HSD17B12: variants seen among roughly 807,000 people sequenced by gnomAD.
The protein encoded by HSD17B12 is very-long-chain 3-oxoacyl-CoA reductase.
In HSD17B12, 32 loss-of-function variants were observed where a neutral mutation model predicts 39.3. That is an observed-to-expected ratio of 0.81 (90% CI 0.61 to 1.09). HSD17B12 has a LOEUF of 1.09. Among genes scored for constraint, HSD17B12 ranks in the 50% least tolerant of loss-of-function variants. The probability of loss-of-function intolerance (pLI) is 0.00; values close to 1 mark genes in which losing one functional copy is unlikely to be tolerated. For missense variants in HSD17B12, 342 were observed against 382.9 expected, an observed-to-expected ratio of 0.89 and a Z score of 0.89; for synonymous variants, 150 against 146.7, an observed-to-expected ratio of 1.02 and a Z score of -0.16.
the HSD17B12 span, among the ~76,000 whole-genome samples, chr11:43,659,245 C>T: frequency 6.6e-5 from 10 of 152,216 alleles, no homozygotes; most frequent in Non-Finnish European, 1.3e-4. Flanking sequence ...ATCGGAAGAG[C>T]GCAGTATTAG....
the HSD17B12 span, among the ~76,000 whole-genome samples, chr11:43,647,195 G>T: frequency 3.3e-5 from 5 of 151,754 alleles, no homozygotes; most frequent in Non-Finnish European, 2.9e-5. Context: ...GGAACAGAGT[G>T]TATCTGTTTG....
chr11:43,563,660 T>A, the HSD17B12 span, among the ~76,000 whole-genome samples: 1 of 152,084 alleles, frequency 6.6e-6, no homozygotes, highest in African/African-American at 2.4e-5. Context: ...ACTAAATTTT[T>A]TTTTCTAATT....
At chr11:43,823,215 C>T (rs1324653657) in intron 6 of HSD17B12, among the ~76,000 whole-genome samples, 1 of 151,934 alleles carries the variant, frequency 6.6e-6, no homozygotes, top group Non-Finnish European at 1.5e-5. Context: ...GCGCCCACTG[C>T]ATGTCTTCCC....
chr11:43,836,899 A>C (rs1252118241), intron 7 of HSD17B12, among the ~76,000 whole-genome samples: 1 of 152,238 alleles, frequency 6.6e-6, no homozygotes. Flanking sequence ...AAAAAATACC[A>C]GAATGATATA....
chr11:43,735,942 C>G (rs1021751440), intron 1 of HSD17B12, among the ~76,000 whole-genome samples: 31 of 152,142 alleles, frequency 2.0e-4, no homozygotes, highest in Non-Finnish European at 4.0e-4. Context: ...CTCACTGTCA[C>G]GAGAACAGCA....
intron 4 of HSD17B12, among the ~76,000 whole-genome samples, chr11:43,810,398 T>TATATATATATATATATAC: frequency 1.1e-5 from 1 of 87,922 alleles, no homozygotes; most frequent in East Asian, 3.0e-4. Flanking sequence ...TATATATATA[T>TATATATATATATATATAC]ATATAAAATT....
chr11:43,592,872 C>T, the HSD17B12 span, among the ~76,000 whole-genome samples: 2 of 152,098 alleles, frequency 1.3e-5, no homozygotes, highest in East Asian at 1.9e-4. Flanking sequence ...ATCTCACACA[C>T]TCTTAGAGGC....
chr11:43,566,009 G>T, the HSD17B12 span, among the ~76,000 whole-genome samples: 1 of 143,492 alleles, frequency 7.0e-6, no homozygotes, highest in African/African-American at 2.6e-5. Flanking sequence ...GGAGAACCCA[G>T]CCAGGGCCCA....
the HSD17B12 span, among the ~76,000 whole-genome samples, chr11:43,587,734 T>TG: frequency 6.6e-6 from 1 of 152,186 alleles, no homozygotes; most frequent in Non-Finnish European, 1.5e-5. Flanking sequence ...TAAGTATTCT[T>TG]GGTAAAGTCG....
the HSD17B12 span, among the ~76,000 whole-genome samples, chr11:43,587,106 C>A: frequency 1.3e-5 from 2 of 152,172 alleles, no homozygotes; most frequent in East Asian, 1.9e-4. Context: ...CTTAAAGAAG[C>A]AATAGTATCC....
chr11:43,835,774 C>CTCCA (rs1386630433), intron 7 of HSD17B12, among the ~76,000 whole-genome samples: 1 of 152,154 alleles, frequency 6.6e-6, no homozygotes, highest in African/African-American at 2.4e-5. Flanking sequence ...TTCAAAGCAA[C>CTCCA]TCCACCTCCT....
chr11:43,768,075 G>A (rs2048143939), intron 3 of HSD17B12, among the ~76,000 whole-genome samples: 1 of 152,152 alleles, frequency 6.6e-6, no homozygotes, highest in African/African-American at 2.4e-5. Flanking sequence ...TCCAGTGAAT[G>A]GCACAACTAA....
chr11:43,748,262 A>G (rs888996036), intron 1 of HSD17B12, among the ~76,000 whole-genome samples: 9 of 152,196 alleles, frequency 5.9e-5, no homozygotes, highest in South Asian at 2.1e-4. Context: ...CATATACACC[A>G]TGGAATACTA....
chr11:43,636,206 G>A, the HSD17B12 span, among the ~76,000 whole-genome samples: 4 of 152,164 alleles, frequency 2.6e-5, no homozygotes, highest in Admixed American at 2.6e-4. Flanking sequence ...CCTCTAGTGA[G>A]AACTATGTTG....
chr11:43,850,990 G>A (rs933696673), intron 9 of HSD17B12, among the ~76,000 whole-genome samples: 2 of 152,226 alleles, frequency 1.3e-5, no homozygotes, highest in African/African-American at 4.8e-5. Context: ...GAACCAGGGA[G>A]GTGGAGGTTG....
At chr11:43,739,749 C>T (rs545952230) in intron 1 of HSD17B12, among the ~76,000 whole-genome samples, 1 of 152,242 alleles carries the variant, frequency 6.6e-6, no homozygotes, top group East Asian at 1.9e-4. Context: ...GCAGAGTGTA[C>T]GTTGGAGGTG....
chr11:43,719,182 A>T, intron 1 of HSD17B12: 1 of 732,038 alleles, frequency 1.4e-6, no homozygotes. Flanking sequence ...ATATATGTAT[A>T]TCTTTTCACC....
the HSD17B12 span, among the ~76,000 whole-genome samples, chr11:43,642,187 T>C: frequency 6.6e-6 from 1 of 151,850 alleles, no homozygotes; most frequent in Admixed American, 6.6e-5. Context: ...TTGAGGGAAA[T>C]TACTAAATTT....
the HSD17B12 span, among the ~76,000 whole-genome samples, chr11:43,608,929 C>T: frequency 6.6e-6 from 1 of 151,970 alleles, no homozygotes; most frequent in Non-Finnish European, 1.5e-5. Flanking sequence ...TATGCACAAC[C>T]CCCCAACCTC....
Sources: allele counts gnomAD v4.1 joint callset (sites outside exome capture counted in the v4.1 genomes callset), GRCh38; gene constraint gnomAD v4.1.1; transcripts MANE v1.5; gene names NCBI Gene and HGNC (gene_info 2026-07-23, HGNC 2026-07-21).